CPSF1: variants seen among roughly 807,000 people sequenced by gnomAD.
CPSF1 encodes the protein cleavage and polyadenylation specificity factor subunit 1.
A neutral mutation model predicts 175.8 loss-of-function variants in CPSF1; 106 were observed. The observed-to-expected ratio is 0.60, with a 90% CI of 0.52 to 0.71. The LOEUF is 0.71. Ranked by LOEUF, CPSF1 falls within the 30% of genes least tolerant of loss-of-function variation. The pLI, the probability that CPSF1 is intolerant of heterozygous loss-of-function variation, is 0.00. For synonymous variants in CPSF1, 1,024 were observed against 858.3 expected (o/e 1.19, Z -3.37); for missense variants, 1,734 against 2,022.9 (o/e 0.86, Z 2.74).
In CPSF1 at chr8:144,396,884, CGTG is replaced by C; in HGVS notation, c.2635_2637del (p.His879del). The C allele has an allele frequency of 6.2e-7, 1 of 1,613,892 alleles. No individual in the cohort carries two copies. Among genetic ancestry groups the C allele is most frequent in the Non-Finnish European group, 8.5e-7 (1 of 1,179,942 alleles). On this transcript the variant is annotated inframe_deletion, in exon 24 of 38. Coordinates refer to ENST00000616140, the MANE Select transcript of CPSF1 (RefSeq NM_013291.3). Reference sequence around the variant, plus strand: ...AGATTGCCCTGGCCGAGCTGAGAGTCGTGGGGGAAGGCCTCGTAGATAAGCAGC... The same window carrying C: ...AGATTGCCCTGGCCGAGCTGAGAGTCGGGGAAGGCCTCGTAGATAAGCAGC...
chr8:144,395,199 T>C lies in CPSF1; in HGVS notation c.3188-17A>G. On this transcript the variant is annotated splice_polypyrimidine_tract_variant and intron_variant, in intron 28 of 37. Transcript: ENST00000616140. ...ACCGCTCATCTGTGGGGACCAAGGGTGACAGTCAGAGTAGGGCTTCCCCAA... is the reference window on the plus strand; with the variant it reads ...ACCGCTCATCTGTGGGGACCAAGGGCGACAGTCAGAGTAGGGCTTCCCCAA... 2 of 1,612,326 alleles carry C rather than the reference T, an allele frequency of 1.2e-6. No individual in the cohort carries two copies. Among genetic ancestry groups the C allele is most frequent in the Non-Finnish European group, 1.7e-6 (2 of 1,179,476 alleles).
At chr8:144,402,033 C>T (rs1023426222) in intron 2 of CPSF1, among the ~76,000 whole-genome samples, 16 of 152,216 alleles carry the variant, frequency 1.1e-4, no homozygotes, top group African/African-American at 3.4e-4. Context: ...AGCCCCGGCC[C>T]CTGGGTCCAA....
At chr8:144,409,255 C>T in intron 1 of CPSF1, 34 bp downstream of exon 1, 1 of 1,171,922 alleles carries the variant, frequency 8.5e-7, no homozygotes, top group Non-Finnish European at 1.1e-6. Flanking sequence ...CCCGGCCTCG[C>T]GCTGCCGCCT....
rs1820509681 is a variant in CPSF1 at position 144,393,793 on chromosome 8, G to C, written c.4019C>G (p.Thr1340Ser). The change falls in exon 36 of 38, where the codon ACC becomes AGC. Residue 1340 changes from threonine (T) to serine (S), a missense_variant. Transcript: ENST00000616140. ...CAGCAGCCCGATGCCGCCGTCCAGG[G>C]TGGCTGGCAGGGGTAGGGTGAGGGT... Reference protein sequence around the residue: ...WENKHITWFATLDGGIGLLLP... With the variant: ...WENKHITWFASLDGGIGLLLP... 1.3e-6 allele frequency: 2 copies of C among 1,599,544 alleles called. No homozygotes were observed. The highest frequency in any genetic ancestry group is 2.2e-5 in the East Asian group (1 of 44,734).
At chr8:144,406,373 C>T (rs1182422697) in intron 2 of CPSF1, among the ~76,000 whole-genome samples, 2 of 152,186 alleles carry the variant, frequency 1.3e-5, no homozygotes, top group Non-Finnish European at 2.9e-5. Context: ...ACCTGAGGCT[C>T]AACAGCGTGG....
chr8:144,403,005 G>A (rs1272213465), intron 2 of CPSF1, among the ~76,000 whole-genome samples: 8 of 152,092 alleles, frequency 5.3e-5, no homozygotes, highest in Admixed American at 2.6e-4. Flanking sequence ...CAAAATTAAG[G>A]AGAAAAATCA....
Position 144,399,312 on chromosome 8 carries a change from G to A in CPSF1, c.1356C>T (p.Ala452=), listed in dbSNP as rs2116861296. 2 of 1,612,350 alleles carry A rather than the reference G, an allele frequency of 1.2e-6. No individual in the cohort carries two copies. Among genetic ancestry groups the A allele is most frequent in the Non-Finnish European group, 8.5e-7 (1 of 1,179,976 alleles). ...AGGTGGCCAGCTGTGTTCCCGACTGGGCCTCGCTGCCGTACACTTCAATCT... is the reference window on the plus strand; with the variant it reads ...AGGTGGCCAGCTGTGTTCCCGACTGAGCCTCGCTGCCGTACACTTCAATCT... ...VDEIEVYGSE[A]QSGTQLATYS... is the part of the protein sequence containing the mutation. Residue 452 remains alanine, a synonymous_variant, in exon 14 of 38, where the codon GCC becomes GCT. Transcript: ENST00000616140. This position sits in a 1 kb window ranked among gnomAD's most constrained non-coding sequence, Gnocchi z 6.4.
At position 144,393,288 on chromosome 8, in the gene CPSF1, C is replaced by A; in HGVS notation, c.*30G>T. The A allele has an allele frequency of 6.8e-7, 1 of 1,477,692 alleles. No individual in the cohort carries two copies. Among genetic ancestry groups the A allele is most frequent in the East Asian group, 2.5e-5 (1 of 40,170 alleles). 91.5% of individuals were successfully genotyped at this position (1,477,692 alleles called of 1,614,324 possible). A position where few individuals can be genotyped will look rare whatever the true frequency, so the allele number is the denominator to read the frequency against. On this transcript the variant is annotated 3_prime_UTR_variant, in exon 38 of 38. Transcript: ENST00000616140. ...ACAAAAAGGGGGTGGGAGGTAGTTC[C>A]GTGTGCTGGTGGTGACGGCATCCAC...
Position 144,409,019 on chromosome 8 carries a change from G to A in CPSF1, c.140C>T (p.Ala47Val), listed in dbSNP as rs2116912724. The A allele has an allele frequency of 4.3e-6, 7 of 1,612,952 alleles. No homozygotes were observed. The highest frequency in any genetic ancestry group is 1.1e-5 in the South Asian group (1 of 91,032). The change falls in exon 2 of 38, where the codon GCC becomes GTC. Residue 47 changes from alanine (A) to valine (V), a missense_variant. Ala to Val is a moderately conservative substitution (Grantham distance 64). Transcript: ENST00000616140. ...QLYVYRLNRD[A>V]EALTKNDRST... ...GGCTCCCAGGGCCCGACCTACCTCG[G>A]CGTCGCGGTTGAGGCGGTACACGTA... is the stretch of plus-strand genomic sequence containing the variant.
chr8:144,402,252 T>G (rs2116890034), intron 2 of CPSF1, among the ~76,000 whole-genome samples: 21 of 152,232 alleles, frequency 1.4e-4, no homozygotes, highest in Non-Finnish European at 2.6e-4. Context: ...CTAGCAGATT[T>G]ATATGCCATT....
chr8:144,396,529 G>A lies in CPSF1; in HGVS notation c.2827-29C>T, dbSNP rs1820749906. 2.5e-6 allele frequency: 4 copies of A among 1,610,154 alleles called. No individual in the cohort carries two copies. In the South Asian group the frequency reaches 3.3e-5, roughly 13 times the overall value. On this transcript the variant is annotated intron_variant, in intron 25 of 37. Transcript: ENST00000616140. ...GGGGCAGGCACCGTGAGGATGCTGT[G>A]GATGAGGATGCTGCGGATGAGGCCG...
chr8:144,394,052 G>A lies in CPSF1; in HGVS notation c.3860-14C>T, dbSNP rs1820531281. 2 of 1,610,918 alleles carry A rather than the reference G, an allele frequency of 1.2e-6. No homozygotes were observed. The highest frequency in any genetic ancestry group is 1.7e-6 in the Non-Finnish European group (2 of 1,178,220). ...AACTCTCCTTGGCTAGACCAGAAAG[G>A]CCTAGGGGTCACTGCTAGCCCAGCC... is the stretch of plus-strand genomic sequence containing the variant. On this transcript the variant is annotated splice_polypyrimidine_tract_variant and intron_variant, in intron 34 of 37. Transcript: ENST00000616140.
chr8:144,398,661 G>A, intron 17 of CPSF1, 23 bp from the exon 18 acceptor site: 3 of 1,612,606 alleles, frequency 1.9e-6, no homozygotes, highest in Non-Finnish European at 2.5e-6. Flanking sequence ...AAGGGGGGCA[G>A]GCTGGAAGCC....
At position 144,397,255 on chromosome 8, in the gene CPSF1, C is replaced by T. The variant is rs781945623; in HGVS notation, c.2544G>A (p.Glu848=). The T allele has an allele frequency of 1.7e-5, 27 of 1,550,444 alleles. No individual in the cohort carries two copies. In the South Asian group the frequency reaches 3.2e-4, roughly 18 times the overall value. ...GGCTGCCCAGCGCCACCAGCAGCAC[C>T]TCCTTGACGAGGGGCAGCTCCCCCT... ...TRQGELPLVK[E]VLLVALGSRQ... The change falls in exon 23 of 38, where the codon GAG becomes GAA. Residue 848 remains glutamate, a synonymous_variant. Transcript: ENST00000616140.
In CPSF1 at chr8:144,400,068, G is replaced by A. The variant is rs2116869787; in HGVS notation, c.955C>T (p.Arg319Trp). The A allele has an allele frequency of 6.2e-6, 10 of 1,601,574 alleles. No individual in the cohort carries two copies. In the South Asian group the frequency reaches 6.6e-5, roughly 11 times the overall value. The change falls in exon 10 of 38, where the codon CGG becomes TGG. Residue 319 changes from arginine (R) to tryptophan (W), a missense_variant. Transcript: ENST00000616140. Reference protein sequence around the residue: ...AFPLRTQEGVRITLDCAQATF... With the variant: ...AFPLRTQEGVWITLDCAQATF... ...GCCTGGGCGCAGTCCAGGGTGATCCGCACACCCTCCTGGGTGCCTGTGGGG... is the reference window on the plus strand; with the variant it reads ...GCCTGGGCGCAGTCCAGGGTGATCCACACACCCTCCTGGGTGCCTGTGGGG...
rs2116880920 is a variant in CPSF1, at chr8:144,401,046, C to T, written c.417G>A (p.Pro139=). 26 of 1,607,534 alleles carry T rather than the reference C, an allele frequency of 1.6e-5. No homozygotes were observed. The highest frequency in any genetic ancestry group is 2.0e-5 in the Non-Finnish European group (24 of 1,176,628). The change falls in exon 6 of 38, where the codon CCG becomes CCA. Residue 139 remains proline (P), a synonymous_variant. Transcript: ENST00000616140. ...RDGFVQNVHT[P]RVRVDPDGRC... ...GCCCGTCGGGGTCCACCCGCACTCG[C>T]GGCGTGTGTACATTCTGCACAAACC... is the stretch of plus-strand genomic sequence containing the variant.
At position 144,396,688 on chromosome 8, in the gene CPSF1, TTTC is replaced by T. The variant is rs1564687772; in HGVS notation, c.2733_2735del (p.Lys912del). ...CCTCCTCTGCGCCGCCACCTTCTGCTTTCTTCTTGGATGGCTTTGGCTTCTTCT... is the reference window on the plus strand; with the variant it reads ...CCTCCTCTGCGCCGCCACCTTCTGCTTTCTTGGATGGCTTTGGCTTCTTCT... On this transcript the variant is annotated inframe_deletion, in exon 25 of 38. Transcript: ENST00000616140. 1.2e-6 allele frequency: 2 copies of T among 1,613,936 alleles called. No homozygotes were observed. Among genetic ancestry groups the T allele is most frequent in the East Asian group, 2.2e-5 (1 of 44,892 alleles).
rs371302764 is a variant in CPSF1 at position 144,394,210 on chromosome 8, C to T, written c.3811+24G>A. On this transcript the variant is annotated intron_variant, in intron 33 of 37. Coordinates refer to ENST00000616140, the MANE Select transcript of CPSF1 (RefSeq NM_013291.3). ...GCCCCGGCCACCCCCAGAGCCTCAG[C>T]TCCCCAGGGCCCTGCCCACATACCC... is the stretch of plus-strand genomic sequence containing the variant. 17 of 1,610,408 alleles carry T rather than the reference C, an allele frequency of 1.1e-5. No homozygotes were observed. The African/African-American group carries it at 2.3e-4, about 22-fold the overall frequency.
intron 26 of CPSF1, chr8:144,396,110 C>T (rs187271641): frequency 9.6e-5 from 54 of 562,752 alleles, no homozygotes; most frequent in Non-Finnish European, 1.2e-4. Context: ...CCCGGCGAGC[C>T]GGCAGAGCAG....
Sources: gnomAD v4.1 joint callset for allele counts (sites outside exome capture counted in the v4.1 genomes callset) on GRCh38, gnomAD v4.1.1 for gene constraint, Gnocchi (gnomAD v3.1) non-coding constraint, MANE v1.5 for transcripts, NCBI Gene and HGNC (gene_info 2026-07-23, HGNC 2026-07-21) for gene names.